CPNE3: variants seen among roughly 807,000 people sequenced by gnomAD.
The protein encoded by CPNE3 is copine 3.
CPNE3 carries 68 observed loss-of-function variants against 63.9 expected under a neutral mutation model. That is an observed-to-expected ratio of 1.06 (90% CI 0.87 to 1.30). CPNE3 has a LOEUF of 1.30. Ranked by LOEUF, CPNE3 falls within the 50% of genes most tolerant of loss-of-function variation. CPNE3 has a pLI of 0.00. For synonymous variants in CPNE3, 219 were observed against 197.5 expected (o/e 1.11, Z -0.91); for missense variants, 665 against 578.1 (o/e 1.15, Z -1.54).
intron 15 of CPNE3, 50 bp downstream of exon 15, chr8:86,555,034 T>A (rs201448148): frequency 1.5e-5 from 24 of 1,606,894 alleles, no homozygotes; most frequent in Non-Finnish European, 2.0e-5. Context: ...TGGTAGCAGC[T>A]CCTGGTGCCA....
In CPNE3 at chr8:86,555,088, G is replaced by T. The variant is rs929317020; in HGVS notation, c.1254+104G>T. The stretch of plus-strand genomic sequence containing the variant: ...TTGTCATAATACAAAGTCAGGGCAA[G>T]ATACAATAACACAGTCATTCTTGGT... On this transcript the variant is annotated intron_variant, in intron 15 of 16. Transcript: ENST00000517490. 4.0e-6 allele frequency: 6 copies of T among 1,483,816 alleles called. No individual in the cohort carries two copies. In the Admixed American group the frequency reaches 1.1e-4, roughly 26 times the overall value. 91.9% of individuals were successfully genotyped at this position (1,483,816 alleles called of 1,614,324 possible). A position where few individuals can be genotyped will look rare whatever the true frequency, so the allele number is the denominator to read the frequency against.
intron 12 of CPNE3, among the ~76,000 whole-genome samples, chr8:86,549,357 A>T (rs1206028956): frequency 6.6e-6 from 1 of 152,228 alleles, no homozygotes; most frequent in Non-Finnish European, 1.5e-5. Flanking sequence ...GTGGTCAAAT[A>T]TAACATAGGA....
Position 86,554,900 on chromosome 8 carries a change from ACT to A in CPNE3, c.1173_1174del (p.Tyr392TrpfsTer4). 1 of 1,613,750 alleles carries A rather than the reference ACT, an allele frequency of 6.2e-7. No homozygotes were observed. Among genetic ancestry groups the A allele is most frequent in the Non-Finnish European group, 8.5e-7 (1 of 1,179,954 alleles). On this transcript the variant is annotated frameshift_variant, in exon 15 of 17. Transcript: ENST00000517490. LOFTEE classifies it high-confidence loss of function. ...ATCGGTCTTGTCTTCCTCAGATAAAACTCTATGGACCAACTAATTTTTCTCCA... is the reference window on the plus strand; with the variant it reads ...ATCGGTCTTGTCTTCCTCAGATAAAACTATGGACCAACTAATTTTTCTCCA... ...AYRSCLPQIK[L>X]YGPTNFSPII...
chr8:86,527,539 A>G (rs1285923527), intron 2 of CPNE3, among the ~76,000 whole-genome samples: 2 of 152,132 alleles, frequency 1.3e-5, no homozygotes, highest in Admixed American at 6.5e-5. Context: ...TTCTCTCTGT[A>G]GAATAGTAGG....
chr8:86,555,583 A>ACTCCTC (rs1375821878), intron 15 of CPNE3, among the ~76,000 whole-genome samples: 1 of 152,210 alleles, frequency 6.6e-6, no homozygotes, highest in Non-Finnish European at 1.5e-5. Flanking sequence ...TCACTACTTG[A>ACTCCTC]TGTAACATTT....
chr8:86,539,966 T>G (rs541784300), intron 7 of CPNE3, among the ~76,000 whole-genome samples: 1 of 152,084 alleles, frequency 6.6e-6, no homozygotes, highest in East Asian at 1.9e-4. Context: ...CGCCCAGCCA[T>G]CCTCTGTAGT....
rs1252596595 is a variant in CPNE3 at position 86,548,301 on chromosome 8, G to T, written c.880G>T (p.Val294Leu). The T allele has an allele frequency of 3.4e-5, 55 of 1,613,782 alleles. No homozygotes were observed. The highest frequency in any genetic ancestry group is 3.5e-5 in the Non-Finnish European group (41 of 1,179,964). The change falls in exon 12 of 17, where the codon GTG becomes TTG. Residue 294 changes from valine (V) to leucine (L), a missense_variant and splice_region_variant. Physicochemically the swap from Val to Leu is conservative, Grantham distance 32 (BLOSUM62 1). Coordinates refer to ENST00000517490, the MANE Select transcript of CPNE3 (RefSeq NM_003909.5). Reference sequence around the variant, plus strand: ...AAGGGCTGCAATTGTTATTTGGCAGGTGGGAGTGGACTTCACTGGCTCCAA... The same window carrying T: ...AAGGGCTGCAATTGTTATTTGGCAGTTGGGAGTGGACTTCACTGGCTCCAA... Reference protein sequence around the residue: ...IMGGCQLNFTVGVDFTGSNGD... With the variant: ...IMGGCQLNFTLGVDFTGSNGD...
intron 7 of CPNE3, among the ~76,000 whole-genome samples, chr8:86,538,361 C>T (rs1353542268): frequency 6.6e-6 from 1 of 151,994 alleles, no homozygotes; most frequent in Non-Finnish European, 1.5e-5. Context: ...GGCTACTGAG[C>T]GAGACTCCAC....
chr8:86,531,716 C>A (rs924374586), intron 5 of CPNE3, among the ~76,000 whole-genome samples: 3 of 152,096 alleles, frequency 2.0e-5, no homozygotes, highest in Admixed American at 2.0e-4. Flanking sequence ...TCCACCTGGG[C>A]TTTTCATTGC....
chr8:86,551,186 T>C lies in CPNE3; in HGVS notation c.1072T>C (p.Ser358Pro), dbSNP rs1482052670. 2.5e-6 allele frequency: 4 copies of C among 1,613,176 alleles called. No homozygotes were observed. Among genetic ancestry groups the C allele is most frequent in the Non-Finnish European group, 3.4e-6 (4 of 1,179,138 alleles). The change falls in exon 14 of 17, where the codon TCA (serine) becomes CCA (proline). Residue 358 changes from serine to proline, a missense_variant. Coordinates refer to ENST00000517490, the MANE Select transcript of CPNE3 (RefSeq NM_003909.5). ...GTCCTTTGTCCATCTTTGACAGGTA[T>C]CACATGAATTTCCAATGAACTTCAA... ...GAQIPPQWQV[S>P]HEFPMNFNPS...
chr8:86,560,965 ATG>A lies in CPNE3; in HGVS notation c.*2556_*2557del, dbSNP rs1158081950. 3 of 152,204 alleles carry A rather than the reference ATG, an allele frequency of 2.0e-5. No homozygotes were observed. Among genetic ancestry groups the A allele is most frequent in the Admixed American group, 1.3e-4 (2 of 15,272 alleles). The allele number at this position is 152,204 out of a possible 1,614,324, so 9.4% of individuals were successfully genotyped here. On this transcript the variant is annotated 3_prime_UTR_variant, in exon 17 of 17. Transcript: ENST00000517490. ...AGGATAGATGTAATATTTCTTACAG[ATG>A]CTGGCACAGAGGAAATAATATACCA...
intron 12 of CPNE3, among the ~76,000 whole-genome samples, chr8:86,550,414 A>G (rs1346996361): frequency 6.6e-6 from 1 of 152,214 alleles, no homozygotes; most frequent in East Asian, 1.9e-4. Context: ...TCTTCAGTGC[A>G]AAACTAACTG....
intron 2 of CPNE3, among the ~76,000 whole-genome samples, chr8:86,517,858 T>C (rs752822159): frequency 5.3e-5 from 8 of 152,232 alleles, no homozygotes; most frequent in Non-Finnish European, 1.0e-4. Flanking sequence ...CAATCTATAA[T>C]ATTTGTTCAA....
intron 2 of CPNE3, among the ~76,000 whole-genome samples, chr8:86,522,983 CA>C (rs1465776804): frequency 6.6e-6 from 1 of 152,112 alleles, no homozygotes; most frequent in Non-Finnish European, 1.5e-5. Flanking sequence ...ATGTAAATCC[CA>C]AAAATCATTA....
chr8:86,537,447 A>G (rs1032918190), intron 6 of CPNE3, 116 bp from the exon 7 acceptor site: 8 of 676,368 alleles, frequency 1.2e-5, no homozygotes, highest in Admixed American at 2.1e-5. Context: ...TATATTTACT[A>G]TCAATACTAT....
chr8:86,530,266 T>C (rs1820644133), intron 4 of CPNE3, among the ~76,000 whole-genome samples: 2 of 150,558 alleles, frequency 1.3e-5, no homozygotes, highest in African/African-American at 4.9e-5. Context: ...ACCTCCCGGG[T>C]TCAAGTGATC....
At chr8:86,526,807 C>T (rs1057395121) in intron 2 of CPNE3, among the ~76,000 whole-genome samples, 2 of 152,252 alleles carry the variant, frequency 1.3e-5, no homozygotes, top group African/African-American at 2.4e-5. Context: ...CTGCCGTGCC[C>T]GGCCAGCTTT....
chr8:86,528,857 CTATGTT>C, intron 3 of CPNE3, 82 bp from the exon 4 acceptor site: 1 of 1,335,790 alleles, frequency 7.5e-7, no homozygotes. Context: ...GTTGTCATGC[CTATGTT>C]TATGTTTAGT....
At chr8:86,550,553 A>G (rs1483438308) in intron 12 of CPNE3, among the ~76,000 whole-genome samples, 1 of 152,190 alleles carries the variant, frequency 6.6e-6, no homozygotes, top group East Asian at 1.9e-4. Context: ...CTCAGTGGCT[A>G]TTCATGTGAT....
Sources: allele counts gnomAD v4.1 joint callset (sites outside exome capture counted in the v4.1 genomes callset), GRCh38; gene constraint gnomAD v4.1.1; transcripts MANE v1.5; gene names NCBI Gene and HGNC (gene_info 2026-07-23, HGNC 2026-07-21).